Variants in SETD5 observed in about 807,000 individuals in gnomAD.
The protein encoded by SETD5 is histone-lysine N-methyltransferase SETD5.
SETD5 carries 44 observed loss-of-function variants against 153.3 expected under a neutral mutation model. The ratio of observed to expected loss-of-function variants is 0.29; its 90% CI spans 0.23 to 0.37. The LOEUF is 0.37. SETD5 is among the 10% of genes least tolerant of loss of function. The pLI is 1.00. For synonymous variants in SETD5, 716 were observed against 645.2 expected, an observed-to-expected ratio of 1.11 and a Z score of -1.66; for missense variants, 1,544 against 1,768.0, an observed-to-expected ratio of 0.87 and a Z score of 2.27.
intron 1 of SETD5, among the ~76,000 whole-genome samples, chr3:9,405,971 A>G (rs1211223931): frequency 1.3e-5 from 2 of 152,202 alleles, no homozygotes; most frequent in African/African-American, 4.8e-5. Flanking sequence ...GCAGTTAATA[A>G]TCAACTGTTT....
chr3:9,443,020 A>G, intron 10 of SETD5: 1 of 259,548 alleles, frequency 3.9e-6, no homozygotes, highest in South Asian at 3.6e-5. Context: ...AGCCTGAGCG[A>G]CAGAGCAAGA....
At chr3:9,449,395 T>G (rs933203550) in intron 16 of SETD5, 2 of 152,188 alleles carry the variant, frequency 1.3e-5, no homozygotes, top group African/African-American at 2.4e-5. Flanking sequence ...TTTTCCATGT[T>G]TCTAGAAGTA....
At chr3:9,436,399 C>T (rs762201054) in intron 7 of SETD5, among the ~76,000 whole-genome samples, 1 of 152,176 alleles carries the variant, frequency 6.6e-6, no homozygotes, top group South Asian at 2.1e-4. Context: ...GCTAAAATGT[C>T]TACGGGAGAA....
At chr3:9,459,250 G>A (rs1039672520) in intron 17 of SETD5, among the ~76,000 whole-genome samples, 1 of 152,106 alleles carries the variant, frequency 6.6e-6, no homozygotes, top group African/African-American at 2.4e-5. Context: ...ATTAACAATT[G>A]CAAAAACTAT....
chr3:9,435,872 A>G lies in SETD5; in HGVS notation c.533A>G (p.Lys178Arg). 6.3e-7 allele frequency: 1 copy of G among 1,594,666 alleles called. No individual in the cohort carries two copies. Among genetic ancestry groups the G allele is most frequent in the South Asian group, 1.1e-5 (1 of 87,980 alleles). ...KPKKRKKSPEKGRAAPKTKKI... is the reference protein window; with the variant it reads ...KPKKRKKSPERGRAAPKTKKI... ...AAGAAGCGGAAAAAGAGTCCAGAAA[A>G]GGGTCGTGCAGCACCAAAGACGAAG... Residue 178 changes from lysine (K) to arginine (R), a missense_variant, in exon 7 of 23, where the codon AAG (lysine) becomes AGG (arginine). Coordinates refer to ENST00000402198, the MANE Select transcript of SETD5 (RefSeq NM_001080517.3).
intron 1 of SETD5, among the ~76,000 whole-genome samples, chr3:9,401,166 G>T (rs2034708763): frequency 6.6e-6 from 1 of 152,156 alleles, no homozygotes; most frequent in East Asian, 1.9e-4. Flanking sequence ...GCAGACCAAT[G>T]AAACAGAACC....
rs566570166 is a variant in SETD5, at chr3:9,403,452, A to G, written c.-177+5475A>G. ...TTATTTGGGTTGGGATTGGACCTGA[A>G]CATGTAGAATAATTTGTTTCCCTTT... On this transcript the variant is annotated intron_variant, in intron 1 of 22. Coordinates refer to ENST00000402198, the MANE Select transcript of SETD5 (RefSeq NM_001080517.3). Among the ~76,000 whole-genome samples, 4 of 152,260 alleles carry G rather than the reference A, an allele frequency of 2.6e-5. No individual in the cohort carries two copies. The East Asian group carries it at 7.7e-4, about 29-fold the overall frequency.
intron 18 of SETD5, 183 bp downstream of exon 18, chr3:9,464,855 C>T (rs2125504241): frequency 1.2e-6 from 1 of 822,184 alleles, no homozygotes. Flanking sequence ...TTGGCAGCCC[C>T]TATGCTTCCC....
At chr3:9,419,112 C>G (rs1385336551) in intron 1 of SETD5, among the ~76,000 whole-genome samples, 1 of 152,182 alleles carries the variant, frequency 6.6e-6, no homozygotes, top group East Asian at 1.9e-4. Context: ...CAGGCATGAG[C>G]CACCACACCC....
intron 11 of SETD5, among the ~76,000 whole-genome samples, 168 bp downstream of exon 11, chr3:9,443,585 AT>A (rs1331006315): frequency 6.6e-6 from 1 of 152,120 alleles, no homozygotes; most frequent in Non-Finnish European, 1.5e-5. Flanking sequence ...GACAGGCAAG[AT>A]TTTTTTTAGA....
chr3:9,438,230 A>G (rs746960552), intron 7 of SETD5, among the ~76,000 whole-genome samples: 2 of 152,204 alleles, frequency 1.3e-5, no homozygotes, highest in African/African-American at 2.4e-5. Context: ...AGACAAATCA[A>G]TCATGCCTTT....
Position 9,448,613 on chromosome 3 carries a change from T to G in SETD5, c.2329T>G (p.Phe777Val), listed in dbSNP as rs2125290591. 6.3e-7 allele frequency: 1 copy of G among 1,596,742 alleles called. No individual in the cohort carries two copies. The highest frequency in any genetic ancestry group is 2.2e-5 in the East Asian group (1 of 44,614). ...AAGGCCCCTTCTGCCTGATGGCACA[T>G]TCAGCTCCTGTAAGAAGGTATGTCT... ...RRRPLLPDGT[F>V]SSCKKRWIKQ... The change falls in exon 16 of 23, where the codon TTC (phenylalanine) becomes GTC (valine). Residue 777 changes from phenylalanine (F) to valine (V), a missense_variant. Around this residue, in one of 9 missense-constraint regions of SETD5, gnomAD observed 782 missense variants for 787.2 expected, o/e 0.99. Transcript: ENST00000402198.
rs1166229860 is a variant in SETD5 at position 9,475,941 on chromosome 3, T to C, written c.4179T>C (p.Ser1393=). 1 of 1,614,020 alleles carries C rather than the reference T, an allele frequency of 6.2e-7. No homozygotes were observed. Among genetic ancestry groups the C allele is most frequent in the Admixed American group, 1.7e-5 (1 of 60,030 alleles). The stretch of plus-strand genomic sequence containing the variant: ...ACTTACGGACTATCAGTCTGCCCAG[T>C]GCTGGGCAGTCAGCTGTCTACCAGG... ...PSDLRTISLP[S]AGQSAVYQAS... Residue 1393 remains serine (S), a synonymous_variant, in exon 23 of 23, where the codon AGT becomes AGC. Coordinates refer to ENST00000402198, the MANE Select transcript of SETD5 (RefSeq NM_001080517.3).
rs376174995 is a variant in SETD5 at position 9,463,275 on chromosome 3, G to C, written c.2477-1150G>C. On this transcript the variant is annotated intron_variant, in intron 17 of 22. Coordinates refer to ENST00000402198, the MANE Select transcript of SETD5 (RefSeq NM_001080517.3). ...TGGCTTAAGTGATCTGCCTGCCTCA[G>C]CCTCCCAAAGTGCTGGGATTATAGG... Among the ~76,000 whole-genome samples the C allele has an allele frequency of 1.4e-3, 212 of 152,276 alleles. 6 individuals carry two copies. The East Asian group carries it at 0.025, about 18-fold the overall frequency.
intron 1 of SETD5, among the ~76,000 whole-genome samples, chr3:9,412,387 G>GTTTT (rs370566998): frequency 0.025 from 2,262 of 89,476 alleles, 115 homozygotes; most frequent in Non-Finnish European, 0.043. Context: ...ACAGTTTTGG[G>GTTTT]TTTTTTTTTT....
chr3:9,470,783 G>A lies in SETD5; in HGVS notation c.3049G>A (p.Gly1017Arg). 1 of 1,613,856 alleles carries A rather than the reference G, an allele frequency of 6.2e-7. No individual in the cohort carries two copies. Residue 1017 changes from glycine to arginine, a missense_variant, in exon 19 of 23, where the codon GGA becomes AGA. Gly to Arg is a moderately radical substitution (Grantham distance 125). Around this residue, in one of 9 missense-constraint regions of SETD5, gnomAD observed 782 missense variants for 787.2 expected, o/e 0.99. Coordinates refer to ENST00000402198, the MANE Select transcript of SETD5 (RefSeq NM_001080517.3). Reference sequence around the variant, plus strand: ...TAGGAAGCCTTTACATTTGGATGGGGGATATTGTTCCCCTGCAGAAGGATT... The same window carrying A: ...TAGGAAGCCTTTACATTTGGATGGGAGATATTGTTCCCCTGCAGAAGGATT... ...GDRKPLHLDG[G>R]YCSPAEGFSS...
chr3:9,410,592 C>T (rs1053977950), intron 1 of SETD5, among the ~76,000 whole-genome samples: 2 of 152,072 alleles, frequency 1.3e-5, no homozygotes, highest in African/African-American at 4.8e-5. Context: ...GAGCTTCTAT[C>T]CTAGTGTCTT....
intron 22 of SETD5, 98 bp downstream of exon 22, chr3:9,475,254 T>C (rs1411190748): frequency 4.8e-6 from 6 of 1,258,034 alleles, no homozygotes; most frequent in Admixed American, 2.3e-5. Flanking sequence ...TCTTTGCATA[T>C]AGTTTCAGCA....
In SETD5 at chr3:9,447,925, A is replaced by G; in HGVS notation, c.2022A>G (p.Leu674=). Residue 674 remains leucine (L), a synonymous_variant, in exon 15 of 23, where the codon TTA becomes TTG. Coordinates refer to ENST00000402198, the MANE Select transcript of SETD5 (RefSeq NM_001080517.3). Reference sequence around the variant, plus strand: ...ACAGTTCAGGAGAAAACAGGCCATTAACAGGGTCTGACCCAACTGTGGTGT... The same window carrying G: ...ACAGTTCAGGAGAAAACAGGCCATTGACAGGGTCTGACCCAACTGTGGTGT... ...SLDSSGENRP[L]TGSDPTVVSI... is the part of the protein sequence containing the mutation. 1 of 1,613,940 alleles carries G rather than the reference A, an allele frequency of 6.2e-7. No individual in the cohort carries two copies. Among genetic ancestry groups the G allele is most frequent in the South Asian group, 1.1e-5 (1 of 91,070 alleles).
Sources: gnomAD v4.1 joint callset for allele counts (sites outside exome capture counted in the v4.1 genomes callset) on GRCh38, gnomAD v4.1.1 for gene constraint, gnomAD v4.1.1 regional missense constraint, MANE v1.5 for transcripts, NCBI Gene and HGNC (gene_info 2026-07-23, HGNC 2026-07-21) for gene names.